FANK1: variants seen among roughly 807,000 people sequenced by gnomAD.
FANK1 encodes the protein fibronectin type III and ankyrin repeat domains 1.
In FANK1, 44 loss-of-function variants were observed where a neutral mutation model predicts 45.3. That is an observed-to-expected ratio of 0.97 (90% CI 0.76 to 1.25). The LOEUF (loss-of-function observed/expected upper bound fraction) is 1.25. FANK1 is among the 50% of genes most tolerant of loss of function. The probability of loss-of-function intolerance (pLI) is 0.00; values close to 1 mark genes in which losing one functional copy is unlikely to be tolerated. For missense variants in FANK1, 391 were observed against 424.4 expected (o/e 0.92, Z 0.69); for synonymous variants, 149 against 152.5 (o/e 0.98, Z 0.17).
At chr10:125,937,040 C>T (rs769002846) in intron 1 of FANK1, among the ~76,000 whole-genome samples, 17 of 151,886 alleles carry the variant, frequency 1.1e-4, no homozygotes, top group Admixed American at 7.9e-4. Flanking sequence ...GCCCTCCAGC[C>T]TGGCAACAAC....
intron 1 of FANK1, among the ~76,000 whole-genome samples, chr10:125,904,900 C>T (rs977402114): frequency 5.9e-5 from 9 of 151,630 alleles, no homozygotes; most frequent in East Asian, 2.0e-4. Context: ...CCGAGGCGGG[C>T]GGATCACGAG....
intron 6 of FANK1, among the ~76,000 whole-genome samples, chr10:126,000,551 T>TAA (rs528451999): frequency 1.3e-5 from 2 of 152,154 alleles, no homozygotes; most frequent in Non-Finnish European, 2.9e-5. Flanking sequence ...CCTGGTCTTA[T>TAA]AGCGTGTACC....
chr10:125,898,023 A>AAAG (rs1944716884), intron 1 of FANK1, among the ~76,000 whole-genome samples: 1 of 105,106 alleles, frequency 9.5e-6, no homozygotes, highest in Non-Finnish European at 2.2e-5. Context: ...AAAAAAAAAA[A>AAAG]AAAAAAAAAA....
intron 1 of FANK1, among the ~76,000 whole-genome samples, chr10:125,959,413 C>CAAAAA (rs767754151): frequency 0.36 from 26,682 of 74,068 alleles, 6,146 homozygotes; most frequent in Non-Finnish European, 0.42. Flanking sequence ...GACTCTGTCT[C>CAAAAA]AAAAAAAAAA....
intron 3 of FANK1, among the ~76,000 whole-genome samples, 166 bp from the exon 4 acceptor site, chr10:125,995,251 A>AT (rs1952237659): frequency 6.6e-6 from 1 of 152,206 alleles, no homozygotes; most frequent in South Asian, 2.1e-4. Flanking sequence ...AAACAAGGTC[A>AT]TTTTCGGTAA....
chr10:125,952,051 T>C (rs1949268381), intron 1 of FANK1, among the ~76,000 whole-genome samples: 1 of 152,224 alleles, frequency 6.6e-6, no homozygotes, highest in African/African-American at 2.4e-5. Context: ...TGTCAGACTT[T>C]GTGGGGACAA....
intron 7 of FANK1, among the ~76,000 whole-genome samples, chr10:126,005,598 G>A (rs1263287279): frequency 6.6e-6 from 1 of 152,110 alleles, no homozygotes; most frequent in African/African-American, 2.4e-5. Flanking sequence ...GTGAGCCACC[G>A]TGCCCAGCCT....
intron 1 of FANK1, among the ~76,000 whole-genome samples, chr10:125,974,004 T>C (rs1218261952): frequency 1.3e-5 from 2 of 152,260 alleles, no homozygotes. Flanking sequence ...AGCTAATTTC[T>C]TTTAGTTGTT....
chr10:125,951,860 A>G (rs1489427230), intron 1 of FANK1, among the ~76,000 whole-genome samples: 2 of 152,220 alleles, frequency 1.3e-5, no homozygotes, highest in African/African-American at 4.8e-5. Flanking sequence ...AGCAATTCAA[A>G]TGCATTTAAA....
At chr10:125,953,110 G>A (rs1949358900) in intron 1 of FANK1, among the ~76,000 whole-genome samples, 1 of 152,198 alleles carries the variant, frequency 6.6e-6, no homozygotes, top group Admixed American at 6.5e-5. Flanking sequence ...CTCAGAGTTT[G>A]GGTCAGTAGG....
chr10:125,903,970 C>G (rs1253881519), intron 1 of FANK1, among the ~76,000 whole-genome samples: 1 of 152,076 alleles, frequency 6.6e-6, no homozygotes, highest in African/African-American at 2.4e-5. Flanking sequence ...CTGCCTCAGC[C>G]TCCCGCGTAG....
At chr10:125,915,325 G>A (rs1359884528) in intron 1 of FANK1, among the ~76,000 whole-genome samples, 3 of 152,014 alleles carry the variant, frequency 2.0e-5, no homozygotes, top group Admixed American at 2.0e-4. Flanking sequence ...AGTTCAAAAG[G>A]GAACCCAAAG....
At position 125,919,958 on chromosome 10, in the gene FANK1, C is replaced by T. The variant is rs188597554; in HGVS notation, c.13+23303C>T. Among the ~76,000 whole-genome samples the T allele has an allele frequency of 2.4e-4, 37 of 152,286 alleles. No homozygotes were observed. In the East Asian group the frequency reaches 7.0e-3, roughly 29 times the overall value. On this transcript the variant is annotated intron_variant, in intron 1 of 10. Transcript: ENST00000368693. ...TTTAAACAAAACGACTGTGACTTTT[C>T]ATGATGAGTAGAAGATAGGTTTTAC...
At chr10:125,907,358 C>G (rs1189622064) in intron 1 of FANK1, 1 of 360,092 alleles carries the variant, frequency 2.8e-6, no homozygotes, top group Non-Finnish European at 3.9e-6. Context: ...CTTCAAACAA[C>G]AACAAGTATT....
intron 1 of FANK1, among the ~76,000 whole-genome samples, chr10:125,948,840 CT>C (rs1404897330): frequency 2.7e-5 from 4 of 148,864 alleles, no homozygotes; most frequent in Non-Finnish European, 6.0e-5. Context: ...GACCAATATC[CT>C]TGATGAACAT....
chr10:125,976,697 A>T (rs1273968397), intron 1 of FANK1, among the ~76,000 whole-genome samples: 1 of 151,864 alleles, frequency 6.6e-6, no homozygotes, highest in Admixed American at 6.6e-5. Flanking sequence ...ATCTCCGCTC[A>T]CTGCAGTCTC....
chr10:125,903,616 G>T (rs556633141), intron 1 of FANK1, among the ~76,000 whole-genome samples: 2 of 152,270 alleles, frequency 1.3e-5, no homozygotes, highest in African/African-American at 4.8e-5. Flanking sequence ...GACTGCTTGA[G>T]CCTAGGAGTT....
chr10:125,910,171 C>G (rs1945874905), intron 1 of FANK1, among the ~76,000 whole-genome samples: 1 of 151,940 alleles, frequency 6.6e-6, no homozygotes, highest in African/African-American at 2.4e-5. Flanking sequence ...TTATTTTGTT[C>G]ATAGTTTTCA....
At chr10:125,926,513 T>G (rs2134136137) in intron 1 of FANK1, among the ~76,000 whole-genome samples, 1 of 152,422 alleles carries the variant, frequency 6.6e-6, no homozygotes, top group African/African-American at 2.4e-5. Flanking sequence ...CTCTGTAACT[T>G]TATTTCAAGA....
Sources: allele counts gnomAD v4.1 joint callset (sites outside exome capture counted in the v4.1 genomes callset), GRCh38; gene constraint gnomAD v4.1.1; transcripts MANE v1.5; gene names NCBI Gene and HGNC (gene_info 2026-07-23, HGNC 2026-07-21).